Variants in KCTD8 observed in about 807,000 individuals in gnomAD.
KCTD8 encodes potassium channel tetramerization domain containing 8.
In KCTD8, 27 loss-of-function variants were observed where a neutral mutation model predicts 31.5. That is an observed-to-expected ratio of 0.86 (90% CI 0.63 to 1.18). The LOEUF (loss-of-function observed/expected upper bound fraction) is 1.18, where lower values mean the gene tolerates loss of function less well. KCTD8 is among the 50% of genes most tolerant of loss of function. KCTD8 has a pLI of 0.00. For synonymous variants in KCTD8, 290 were observed against 280.0 expected (o/e 1.04, Z -0.36); for missense variants, 658 against 647.7 (o/e 1.02, Z -0.17).
intron 1 of KCTD8, among the ~76,000 whole-genome samples, chr4:44,384,028 C>T (rs1324862450): frequency 6.6e-6 from 1 of 151,582 alleles, no homozygotes; most frequent in East Asian, 1.9e-4. Context: ...TCAAAAGAAG[C>T]CATATAAATG....
At chr4:44,205,364 C>T (rs148083877) in intron 1 of KCTD8, among the ~76,000 whole-genome samples, 265 of 152,060 alleles carry the variant, frequency 1.7e-3, no homozygotes, top group Middle Eastern at 3.4e-3. Context: ...AATTTTAGTT[C>T]GATCAAAAAA....
chr4:44,352,716 T>C (rs1161704868), intron 1 of KCTD8, among the ~76,000 whole-genome samples: 1 of 151,868 alleles, frequency 6.6e-6, no homozygotes, highest in Non-Finnish European at 1.5e-5. Flanking sequence ...TATCCATCTA[T>C]CTATGTATAT....
At chr4:44,358,735 A>AT (rs1384439256) in intron 1 of KCTD8, among the ~76,000 whole-genome samples, 2 of 151,834 alleles carry the variant, frequency 1.3e-5, no homozygotes, top group South Asian at 2.1e-4. Flanking sequence ...CACCCGGTTA[A>AT]TTTTTTTGTA....
intron 1 of KCTD8, among the ~76,000 whole-genome samples, chr4:44,175,796 C>A (rs1218736785): frequency 6.6e-6 from 1 of 152,176 alleles, no homozygotes; most frequent in Non-Finnish European, 1.5e-5. Context: ...TGGTTTAAAT[C>A]TTATTCTTAG....
intron 1 of KCTD8, among the ~76,000 whole-genome samples, chr4:44,321,358 C>T (rs549827721): frequency 6.6e-6 from 1 of 152,254 alleles, no homozygotes; most frequent in South Asian, 2.1e-4. Flanking sequence ...CAACAATTTT[C>T]AAATTAAGAC....
At chr4:44,393,552 C>G (rs1456383195) in intron 1 of KCTD8, among the ~76,000 whole-genome samples, 1 of 149,650 alleles carries the variant, frequency 6.7e-6, no homozygotes, top group East Asian at 2.0e-4. Flanking sequence ...AAGAGGTCTA[C>G]TACCTACTCA....
intron 1 of KCTD8, among the ~76,000 whole-genome samples, chr4:44,435,361 A>G (rs1393530094): frequency 6.6e-6 from 1 of 152,064 alleles, no homozygotes; most frequent in Admixed American, 6.6e-5. Context: ...CCTTGCCAGA[A>G]TCCTCATGCT....
In KCTD8 at chr4:44,345,932, C is replaced by CA. The variant is rs200021082; in HGVS notation, c.961+101630dup. Among the ~76,000 whole-genome samples, 1,343 of 148,926 alleles carry CA rather than the reference C, an allele frequency of 9.0e-3. 31 individuals are homozygous for CA. Among genetic ancestry groups the CA allele is most frequent in the Admixed American group, 0.055 (818 of 14,850 alleles). On this transcript the variant is annotated intron_variant, in intron 1 of 1. Coordinates refer to ENST00000360029, the MANE Select transcript of KCTD8 (RefSeq NM_198353.3). The stretch of plus-strand genomic sequence containing the variant: ...ATAGAAAAGGCTGCACTCTGGGAAA[C>CA]AAAAAAAAACCACATACAATGAAAG...
intron 1 of KCTD8, among the ~76,000 whole-genome samples, chr4:44,219,867 T>A (rs1390616498): frequency 6.6e-6 from 1 of 152,220 alleles, no homozygotes; most frequent in Non-Finnish European, 1.5e-5. Context: ...TCAGCGAGAA[T>A]GAAGTTAGGA....
At chr4:44,230,851 G>A (rs1715100054) in intron 1 of KCTD8, among the ~76,000 whole-genome samples, 1 of 152,000 alleles carries the variant, frequency 6.6e-6, no homozygotes, top group Admixed American at 6.6e-5. Context: ...GATCTTATGA[G>A]AACATCCCAT....
chr4:44,177,665 A>AC (rs1713258532), intron 1 of KCTD8, among the ~76,000 whole-genome samples: 1 of 152,116 alleles, frequency 6.6e-6, no homozygotes, highest in African/African-American at 2.4e-5. Flanking sequence ...GTAAGACATA[A>AC]CTTGCTCCTC....
intron 1 of KCTD8, among the ~76,000 whole-genome samples, chr4:44,237,231 C>A (rs1386008589): frequency 6.6e-6 from 1 of 152,058 alleles, no homozygotes; most frequent in Non-Finnish European, 1.5e-5. Context: ...ATCCTTTATG[C>A]TCCCTTTTTT....
intron 1 of KCTD8, among the ~76,000 whole-genome samples, chr4:44,288,150 T>C (rs1375941254): frequency 6.6e-6 from 1 of 152,156 alleles, no homozygotes; most frequent in East Asian, 1.9e-4. Context: ...TTAGGGAAGG[T>C]ATTTCTTGTC....
At chr4:44,315,334 C>G (rs961638153) in intron 1 of KCTD8, among the ~76,000 whole-genome samples, 1 of 151,992 alleles carries the variant, frequency 6.6e-6, no homozygotes, top group African/African-American at 2.4e-5. Flanking sequence ...TTTACATTCT[C>G]TTCTGTAAAT....
intron 1 of KCTD8, among the ~76,000 whole-genome samples, chr4:44,303,795 A>G (rs1014513016): frequency 5.9e-5 from 9 of 152,054 alleles, no homozygotes; most frequent in African/African-American, 2.2e-4. Context: ...CCTGGGGGAC[A>G]GAGTGAGACC....
intron 1 of KCTD8, among the ~76,000 whole-genome samples, chr4:44,195,028 G>T (rs1713897730): frequency 6.6e-6 from 1 of 150,876 alleles, no homozygotes; most frequent in African/African-American, 2.4e-5. Context: ...GCTAATTTTT[G>T]TATTTCTAAT....
intron 1 of KCTD8, among the ~76,000 whole-genome samples, chr4:44,221,808 C>A (rs1714817032): frequency 6.6e-6 from 1 of 151,854 alleles, no homozygotes; most frequent in Non-Finnish European, 1.5e-5. Context: ...GGTGCCCACC[C>A]AGATTGAGGG....
intron 1 of KCTD8, among the ~76,000 whole-genome samples, chr4:44,232,301 C>T (rs1023171753): frequency 9.9e-5 from 15 of 152,052 alleles, no homozygotes; most frequent in Non-Finnish European, 1.0e-4. Context: ...GTTTATTCTT[C>T]CCAGAGCCAA....
chr4:44,392,782 G>A (rs530866752), intron 1 of KCTD8, among the ~76,000 whole-genome samples: 9 of 152,056 alleles, frequency 5.9e-5, no homozygotes, highest in East Asian at 3.9e-4. Flanking sequence ...TGGCTTACAC[G>A]CAGAGAACAG....
Sources: gnomAD v4.1 joint callset for allele counts (sites outside exome capture counted in the v4.1 genomes callset) on GRCh38, gnomAD v4.1.1 for gene constraint, MANE v1.5 for transcripts, NCBI Gene and HGNC (gene_info 2026-07-23, HGNC 2026-07-21) for gene names.